The following YME1L1 variants were observed in gnomAD, a reference collection of about 807,000 sequenced individuals.
YME1L1 encodes the protein YME1 like 1 ATPase.
A neutral mutation model predicts 90.4 loss-of-function variants in YME1L1; 39 were observed. That is an observed-to-expected ratio of 0.43 (90% CI 0.33 to 0.56). The LOEUF is 0.56. Among genes scored for constraint, YME1L1 ranks in the 20% least tolerant of loss-of-function variants. The pLI, the probability that YME1L1 is intolerant of heterozygous loss-of-function variation, is 0.03. For missense variants in YME1L1, 617 were observed against 868.4 expected (o/e 0.71, Z 3.64); for synonymous variants, 284 against 287.3 (o/e 0.99, Z 0.12).
chr10:27,134,225 C>T, intron 6 of YME1L1, 103 bp from the exon 7 acceptor site: 1 of 929,666 alleles, frequency 1.1e-6, no homozygotes, highest in Non-Finnish European at 1.6e-6. Flanking sequence ...TATTTCATCA[C>T]ATCCAATTTT....
At chr10:27,135,448 A>C (rs1392081765) in intron 5 of YME1L1, among the ~76,000 whole-genome samples, 1 of 152,228 alleles carries the variant, frequency 6.6e-6, no homozygotes, top group Non-Finnish European at 1.5e-5. Flanking sequence ...TTCTTAAATC[A>C]TTTTGATATT....
At chr10:27,145,695 A>T in intron 2 of YME1L1, 105 bp from the exon 3 acceptor site, 1 of 973,920 alleles carries the variant, frequency 1.0e-6, no homozygotes, top group Non-Finnish European at 1.4e-6. Context: ...AAGTCTAACA[A>T]ATATATTTCC....
chr10:27,132,592 C>T (rs1387105831), intron 7 of YME1L1, among the ~76,000 whole-genome samples: 1 of 151,856 alleles, frequency 6.6e-6, no homozygotes, highest in African/African-American at 2.4e-5. Context: ...GAGGCTGAGG[C>T]GGGCAGATCG....
chr10:27,113,093 G>A (rs771391140), intron 18 of YME1L1, among the ~76,000 whole-genome samples: 13 of 151,644 alleles, frequency 8.6e-5, no homozygotes, highest in South Asian at 4.2e-4. Context: ...GGCAGCATGC[G>A]CTTATAGTCC....
chr10:27,134,927 T>C lies in YME1L1; in HGVS notation c.595A>G (p.Lys199Glu), dbSNP rs755160982. The C allele has an allele frequency of 1.2e-6, 2 of 1,613,714 alleles. No individual in the cohort carries two copies. Among genetic ancestry groups the C allele is most frequent in the South Asian group, 1.1e-5 (1 of 91,064 alleles). Reference protein sequence around the residue: ...SDVESLDKLMKTKNIPEAHQD... With the variant: ...SDVESLDKLMETKNIPEAHQD... ...TGAGCTTCAGGTATATTTTTGGTTT[T>C]CATGAGTTTGTCCAAACTCTCAACA... The change falls in exon 6 of 19, where the codon AAA (lysine) becomes GAA (glutamate). Residue 199 changes from lysine to glutamate, a missense_variant. Transcript: ENST00000376016.
At chr10:27,149,136 C>T in intron 1 of YME1L1, 96 bp from the exon 2 acceptor site, 3 of 1,078,134 alleles carry the variant, frequency 2.8e-6, no homozygotes, top group South Asian at 3.1e-5. Flanking sequence ...GTTAAAGGTA[C>T]ATTATATATC....
rs756296084 is a variant in YME1L1 at position 27,122,888 on chromosome 10, A to G, written c.1188T>C (p.His396=). 1.9e-5 allele frequency: 30 copies of G among 1,613,474 alleles called. No homozygotes were observed. Among genetic ancestry groups the G allele is most frequent in the Non-Finnish European group, 2.2e-5 (26 of 1,179,770 alleles). The change falls in exon 11 of 19, where the codon CAT becomes CAC. Residue 396 remains histidine (H), a synonymous_variant. Transcript: ENST00000376016. ...GATTTATGGTCTGCCTTGAATATGGATGCATTGGAGATTCAATTCTCTTCC... is the reference window on the plus strand; with the variant it reads ...GATTTATGGTCTGCCTTGAATATGGGTGCATTGGAGATTCAATTCTCTTCC... ...VGGKRIESPM[H]PYSRQTINQL...
intron 5 of YME1L1, 115 bp downstream of exon 5, chr10:27,136,161 T>C: frequency 1.2e-6 from 1 of 825,850 alleles, no homozygotes; most frequent in Non-Finnish European, 1.9e-6. Context: ...TCCCTTATTA[T>C]TAGTGGAAAG....
chr10:27,126,656 G>GA (rs1554804773), intron 9 of YME1L1, 40 bp downstream of exon 9: 1 of 1,132,708 alleles, frequency 8.8e-7, no homozygotes. Flanking sequence ...CTTTGTTTTT[G>GA]TTTTTTCCAT....
At chr10:27,126,599 T>TA (rs2056921870) in intron 9 of YME1L1, 97 bp downstream of exon 9, 5 of 628,028 alleles carry the variant, frequency 8.0e-6, no homozygotes, top group Middle Eastern at 4.4e-4. Flanking sequence ...ACTTAAACTT[T>TA]AATCAGTTAA....
intron 2 of YME1L1, chr10:27,147,094 A>C (rs1471262547): frequency 2.9e-6 from 1 of 350,234 alleles, no homozygotes; most frequent in Non-Finnish European, 5.1e-6. Flanking sequence ...AGGAAAGAAA[A>C]AATTAAAGAG....
chr10:27,125,108 C>G (rs1007286930), intron 9 of YME1L1, among the ~76,000 whole-genome samples: 12 of 152,120 alleles, frequency 7.9e-5, no homozygotes, highest in Non-Finnish European at 1.5e-4. Flanking sequence ...GGAGTGTCAT[C>G]CTTTAACTCA....
chr10:27,143,730 T>C (rs1157930941), intron 3 of YME1L1, among the ~76,000 whole-genome samples: 2 of 151,352 alleles, frequency 1.3e-5, no homozygotes, highest in East Asian at 1.9e-4. Flanking sequence ...GTACTGTGTT[T>C]AGGCTAAAAT....
At chr10:27,137,731 T>C (rs1188994904) in intron 4 of YME1L1, among the ~76,000 whole-genome samples, 1 of 152,196 alleles carries the variant, frequency 6.6e-6, no homozygotes, top group African/African-American at 2.4e-5. Context: ...GTATTTTTAT[T>C]GACTATTTTT....
chr10:27,117,878 G>A, intron 14 of YME1L1, 151 bp from the exon 15 acceptor site: 10 of 720,176 alleles, frequency 1.4e-5, no homozygotes, highest in South Asian at 2.1e-5. Flanking sequence ...TAAAACTATG[G>A]GGAAGAGGAA....
chr10:27,147,109 G>A lies in YME1L1; in HGVS notation c.169-1519C>T, dbSNP rs753760492. The A allele has an allele frequency of 4.3e-4, 183 of 420,888 alleles. 3 individuals carry two copies. Among genetic ancestry groups the A allele is most frequent in the Admixed American group, 3.5e-4 (9 of 25,456 alleles). The allele number at this position is 420,888 out of a possible 1,614,324, so 26.1% of individuals were successfully genotyped here. On this transcript the variant is annotated intron_variant, in intron 2 of 18. Transcript: ENST00000376016. Reference sequence around the variant, plus strand: ...AGGAAAGAAAAAATTAAAGAGATAGGTTATGGCCAAACTGTGAAGAGCCAT... The same window carrying A: ...AGGAAAGAAAAAATTAAAGAGATAGATTATGGCCAAACTGTGAAGAGCCAT...
chr10:27,114,444 G>T, intron 18 of YME1L1, 77 bp downstream of exon 18: 2 of 1,128,830 alleles, frequency 1.8e-6, no homozygotes, highest in Admixed American at 2.3e-5. Flanking sequence ...AGGGCCTTCA[G>T]CTGTTATTTT....
rs768219967 is a variant in YME1L1, at chr10:27,134,969, G to A, written c.553C>T (p.Arg185Trp). 1.5e-5 allele frequency: 24 copies of A among 1,611,804 alleles called. No homozygotes were observed. In the Admixed American group the frequency reaches 2.7e-4, roughly 18 times the overall value. Residue 185 changes from arginine to tryptophan, a missense_variant, in exon 6 of 19, where the codon CGG (arginine) becomes TGG (tryptophan). Arg to Trp is a moderately radical substitution (Grantham distance 101, BLOSUM62 -3). Around this residue, in one of 4 missense-constraint regions of YME1L1, gnomAD observed 311 missense variants for 335.8 expected, o/e 0.93. Coordinates refer to ENST00000376016, the MANE Select transcript of YME1L1 (RefSeq NM_014263.4). ...APSFVKGFLL[R>W]DRGSDVESLD... is the part of the protein sequence containing the mutation. ...CTCTCAACATCTGATCCTCTGTCCC[G>A]CAAAAGAAACCCCTGAATACACAAA...
intron 11 of YME1L1, among the ~76,000 whole-genome samples, chr10:27,122,107 G>A (rs531100702): frequency 7.9e-5 from 12 of 152,222 alleles, no homozygotes; most frequent in African/African-American, 2.6e-4. Flanking sequence ...CTGGCCTCAA[G>A]CAATCCTCCC....
Sources: allele counts gnomAD v4.1 joint callset (sites outside exome capture counted in the v4.1 genomes callset), GRCh38; gene constraint gnomAD v4.1.1; regional missense constraint gnomAD v4.1.1; transcripts MANE v1.5; gene names NCBI Gene and HGNC (gene_info 2026-07-23, HGNC 2026-07-21).